REPS1: variants seen among roughly 807,000 people sequenced by gnomAD.
REPS1 encodes ralBP1-associated Eps domain-containing protein 1.
Under a neutral mutation model 100.9 loss-of-function variants are expected in REPS1, and 39 were observed. The observed-to-expected ratio is 0.39, with a 90% confidence interval of 0.30 to 0.50. REPS1 has a LOEUF of 0.50. REPS1 is among the 20% of genes least tolerant of loss of function. The probability of loss-of-function intolerance (pLI) is 0.86; values close to 1 mark genes in which losing one functional copy is unlikely to be tolerated. For synonymous variants in REPS1, 324 were observed against 340.3 expected (o/e 0.95, Z 0.53); for missense variants, 821 against 968.5 (o/e 0.85, Z 2.02).
intron 8 of REPS1, among the ~76,000 whole-genome samples, chr6:138,935,913 T>G (rs377193815): frequency 3.8e-4 from 56 of 147,708 alleles, no homozygotes; most frequent in East Asian, 2.7e-3. Flanking sequence ...TTACTTTTTT[T>G]GGGGGTATAA....
intron 19 of REPS1, among the ~76,000 whole-genome samples, chr6:138,906,834 T>C (rs931756761): frequency 2.0e-5 from 3 of 152,194 alleles, no homozygotes; most frequent in African/African-American, 4.8e-5. Context: ...TACCTGTATA[T>C]GCCTTAAGGT....
At chr6:138,914,399 C>T (rs867348660) in intron 15 of REPS1, among the ~76,000 whole-genome samples, 47 of 152,114 alleles carry the variant, frequency 3.1e-4, no homozygotes, top group African/African-American at 1.0e-3. Context: ...TGAGTCACTG[C>T]TAGACCCAGG....
At chr6:138,923,470 T>C (rs1780910547) in intron 10 of REPS1, among the ~76,000 whole-genome samples, 3 of 152,214 alleles carry the variant, frequency 2.0e-5, no homozygotes, top group African/African-American at 7.2e-5. Flanking sequence ...AAAATCAGAT[T>C]TATAAAGCTT....
chr6:138,903,900 G>A lies in REPS1; in HGVS notation c.*1164C>T, dbSNP rs568318159. 3 of 151,996 alleles carry A rather than the reference G, an allele frequency of 2.0e-5. No individual in the cohort carries two copies. The highest frequency in any genetic ancestry group is 2.9e-5 in the Non-Finnish European group (2 of 68,000). The allele number at this position is 151,996 out of a possible 1,614,324, so 9.4% of individuals were successfully genotyped here. On this transcript the variant is annotated 3_prime_UTR_variant, in exon 20 of 20. Coordinates refer to ENST00000450536, the MANE Select transcript of REPS1 (RefSeq NM_001286611.2). Reference sequence around the variant, plus strand: ...CTTGTTTACAGTAACAAAGTCTATCGGTGCAGTTTAGGACTGTGAATCTAT... The same window carrying A: ...CTTGTTTACAGTAACAAAGTCTATCAGTGCAGTTTAGGACTGTGAATCTAT...
At chr6:138,959,729 C>G (rs916544114) in intron 1 of REPS1, among the ~76,000 whole-genome samples, 3 of 152,036 alleles carry the variant, frequency 2.0e-5, no homozygotes, top group Non-Finnish European at 2.9e-5. Flanking sequence ...TTCTGACTCA[C>G]TAACTTAAGT....
At chr6:138,972,773 T>A (rs1341342348) in intron 1 of REPS1, among the ~76,000 whole-genome samples, 1 of 151,984 alleles carries the variant, frequency 6.6e-6, no homozygotes, top group East Asian at 1.9e-4. Flanking sequence ...TTGACTAGCA[T>A]CACCTGACCA....
chr6:138,934,338 G>A (rs1281723214), intron 8 of REPS1: 1 of 470,764 alleles, frequency 2.1e-6, no homozygotes, highest in Non-Finnish European at 4.4e-6. Context: ...TGAAAAAGAA[G>A]AGCATGAGCC....
chr6:138,988,056 T>G lies in REPS1; in HGVS notation c.-374A>C. The G allele has an allele frequency of 2.5e-6, 1 of 397,758 alleles. No homozygotes were observed. The highest frequency in any genetic ancestry group is 4.4e-6 in the Non-Finnish European group (1 of 225,544). 24.6% of individuals were successfully genotyped at this position (397,758 alleles called of 1,614,324 possible). Reference sequence around the variant, plus strand: ...GCGGGTTCGAGTCTCCCCGGCTCCCTGCCGATTCCCCCAGACTTCCCGCCT... The same window carrying G: ...GCGGGTTCGAGTCTCCCCGGCTCCCGGCCGATTCCCCCAGACTTCCCGCCT... On this transcript the variant is annotated 5_prime_UTR_variant, in exon 1 of 20. Transcript: ENST00000450536.
At chr6:138,976,312 T>C (rs6936469) in intron 1 of REPS1, among the ~76,000 whole-genome samples, 13,352 of 152,192 alleles carry the variant, frequency 0.088, 1,209 homozygotes, top group African/African-American at 0.23. Flanking sequence ...GCAATTTTTT[T>C]TTCTCCACAG....
At position 138,915,746 on chromosome 6, in the gene REPS1, C is replaced by T. The variant is rs898084433; in HGVS notation, c.1720+112G>A. On this transcript the variant is annotated intron_variant, in intron 14 of 19. Coordinates refer to ENST00000450536, the MANE Select transcript of REPS1 (RefSeq NM_001286611.2). ...ACAGGCATGAGCAACCACACTCGAC[C>T]AGATAAATATTTTTAAAAGACATGT... 1.2e-5 allele frequency: 10 copies of T among 812,610 alleles called. No homozygotes were observed. The East Asian group carries it at 2.7e-4, about 22-fold the overall frequency. 50.3% of individuals were successfully genotyped at this position (812,610 alleles called of 1,614,324 possible). A position where few individuals can be genotyped will look rare whatever the true frequency, so the allele number is the denominator to read the frequency against.
chr6:138,969,056 T>C (rs1389622168), intron 1 of REPS1, among the ~76,000 whole-genome samples: 3 of 152,170 alleles, frequency 2.0e-5, no homozygotes, highest in South Asian at 4.1e-4. Flanking sequence ...CAATATTGTA[T>C]AGAATGTGCT....
chr6:138,957,569 A>T (rs1783472512), intron 1 of REPS1, among the ~76,000 whole-genome samples: 1 of 152,216 alleles, frequency 6.6e-6, no homozygotes. Context: ...AGCTTCCAGG[A>T]AAAAGTAGAT....
In REPS1 at chr6:138,947,035, G is replaced by GCGCTCT. The variant is rs1554292163; in HGVS notation, c.277+754_277+755insAGAGCG. On this transcript the variant is annotated intron_variant, in intron 2 of 19. Transcript: ENST00000450536. ...TAAATGTCTGTGGCTATTCCCCCTT[G>GCGCTCT]CTCTCTCTCTCTCTCTCTCTCTCTC... is the stretch of plus-strand genomic sequence containing the variant. 6.5e-5 allele frequency among the ~76,000 whole-genome samples: 9 copies of GCGCTCT among 137,718 alleles called. No homozygotes were observed. In the South Asian group the frequency reaches 1.3e-3, roughly 20 times the overall value. The allele number at this position is 137,718 out of a possible 152,430, so 90.3% of individuals were successfully genotyped here.
chr6:138,932,443 A>G (rs569655465), intron 8 of REPS1, among the ~76,000 whole-genome samples: 2 of 146,782 alleles, frequency 1.4e-5, no homozygotes, highest in East Asian at 2.1e-4. Flanking sequence ...CTTCACTTAC[A>G]GTTATTGTAT....
At chr6:138,947,155 T>C (rs1399212088) in intron 2 of REPS1, among the ~76,000 whole-genome samples, 4 of 152,074 alleles carry the variant, frequency 2.6e-5, no homozygotes, top group African/African-American at 7.2e-5. Context: ...TCCCGAGCTA[T>C]GCAGAAGTGA....
rs71013004 is a variant in REPS1, at chr6:138,969,269, A to ATTTTTTTTT, written c.153+18252_153+18260dup. ...ACACAATCTATGATACAAAGCTGTAATTTTTTTTTTTTTTTTTTTTTTTTT... is the reference window on the plus strand; with the variant it reads ...ACACAATCTATGATACAAAGCTGTAATTTTTTTTTTTTTTTTTTTTTTTTTTTTTTTTTT... On this transcript the variant is annotated intron_variant, in intron 1 of 19. Coordinates refer to ENST00000450536, the MANE Select transcript of REPS1 (RefSeq NM_001286611.2). 1.8e-3 allele frequency among the ~76,000 whole-genome samples: 133 copies of ATTTTTTTTT among 74,240 alleles called. 18 individuals are homozygous for ATTTTTTTTT. The highest frequency in any genetic ancestry group is 5.4e-3 in the African/African-American group (112 of 20,888). 48.7% of individuals were successfully genotyped at this position (74,240 alleles called of 152,430 possible).
At chr6:138,921,443 T>C (rs550657015) in intron 10 of REPS1, among the ~76,000 whole-genome samples, 39 of 152,152 alleles carry the variant, frequency 2.6e-4, no homozygotes, top group African/African-American at 8.4e-4. Flanking sequence ...GAGAATCACT[T>C]GAGCCCAGAG....
intron 1 of REPS1, among the ~76,000 whole-genome samples, chr6:138,974,144 G>GA (rs931382652): frequency 2.0e-5 from 3 of 151,618 alleles, no homozygotes; most frequent in Non-Finnish European, 4.4e-5. Context: ...GTATTAAATT[G>GA]AAAAAAAATT....
intron 8 of REPS1, among the ~76,000 whole-genome samples, chr6:138,940,058 T>C (rs1782123869): frequency 6.6e-6 from 1 of 152,216 alleles, no homozygotes; most frequent in Admixed American, 6.5e-5. Context: ...GATTAGAACT[T>C]GCCCAGGGTC....
Sources: allele counts gnomAD v4.1 joint callset (sites outside exome capture counted in the v4.1 genomes callset), GRCh38; gene constraint gnomAD v4.1.1; transcripts MANE v1.5; gene names NCBI Gene and HGNC (gene_info 2026-07-23, HGNC 2026-07-21).